DPP6: variants seen among roughly 807,000 people sequenced by gnomAD.
DPP6 encodes A-type potassium channel modulatory protein DPP6.
A neutral mutation model predicts 122.6 loss-of-function variants in DPP6; 69 were observed. The observed-to-expected ratio is 0.56, with a 90% CI of 0.46 to 0.69. The LOEUF (loss-of-function observed/expected upper bound fraction) is 0.69, where lower values mean the gene tolerates loss of function less well. Among genes scored for constraint, DPP6 ranks in the 30% least tolerant of loss-of-function variants. The pLI is 0.00. For synonymous variants in DPP6, 418 were observed against 433.1 expected (o/e 0.97, Z 0.43); for missense variants, 928 against 1,116.9 (o/e 0.83, Z 2.41).
the DPP6 span, among the ~76,000 whole-genome samples, chr7:153,787,040 T>C: frequency 0.47 from 66,021 of 141,542 alleles, 17,598 homozygotes; most frequent in African/African-American, 0.61. Context: ...CAAGCTCCGC[T>C]TCCCGGGTTC....
At chr7:154,885,853 AGG>A (rs1806110145) in intron 22 of DPP6, 109 bp downstream of exon 22, 1 of 1,426,828 alleles carries the variant, frequency 7.0e-7, no homozygotes, top group African/African-American at 1.4e-5. Context: ...CGCTAACCAC[AGG>A]TGCCTCCAGG....
chr7:154,068,028 C>T (rs569031546), intron 1 of DPP6, among the ~76,000 whole-genome samples: 3 of 151,486 alleles, frequency 2.0e-5, no homozygotes, highest in East Asian at 3.9e-4. Context: ...TCCCAAAGTA[C>T]TGGGATTACA....
At chr7:154,245,776 T>C (rs1046408677) in intron 1 of DPP6, among the ~76,000 whole-genome samples, 9 of 152,172 alleles carry the variant, frequency 5.9e-5, no homozygotes, top group Admixed American at 3.9e-4. Context: ...CATCTATGTA[T>C]ATAGTAGCTG....
chr7:154,868,008 AG>A lies in DPP6; in HGVS notation c.1729del (p.Glu577LysfsTer10). 6.2e-7 allele frequency: 1 copy of A among 1,602,298 alleles called. No individual in the cohort carries two copies. The highest frequency in any genetic ancestry group is 8.5e-7 in the Non-Finnish European group (1 of 1,174,512). On this transcript the variant is annotated frameshift_variant, in exon 18 of 26. Coordinates refer to ENST00000377770, the MANE Select transcript of DPP6 (RefSeq NM_130797.4). LOFTEE classifies it high-confidence loss of function. ...TTDKKKMFDL[E>X]TNEHVKKAIN... ...CCTCTCTTTCAGAAATGTTTGACCT[AG>A]AAACAAATGAACATGTCAAGAAGGC... is the stretch of plus-strand genomic sequence containing the variant.
chr7:153,763,998 A>G, the DPP6 span, among the ~76,000 whole-genome samples: 1 of 152,210 alleles, frequency 6.6e-6, no homozygotes, highest in Admixed American at 6.5e-5. Context: ...AGGAACAATC[A>G]TAAAACAGCC....
At chr7:154,318,979 G>A (rs988369960) in intron 1 of DPP6, among the ~76,000 whole-genome samples, 2 of 152,206 alleles carry the variant, frequency 1.3e-5, no homozygotes, top group African/African-American at 4.8e-5. Context: ...CCTCCTCTGC[G>A]GTTCTGGTTT....
At chr7:154,330,240 A>G (rs1808802736) in intron 1 of DPP6, among the ~76,000 whole-genome samples, 1 of 152,222 alleles carries the variant, frequency 6.6e-6, no homozygotes, top group Non-Finnish European at 1.5e-5. Flanking sequence ...GCAATTCTTA[A>G]CTGTAGTTAG....
At chr7:154,630,548 C>T (rs1002931876) in intron 5 of DPP6, among the ~76,000 whole-genome samples, 1 of 152,172 alleles carries the variant, frequency 6.6e-6, no homozygotes, top group African/African-American at 2.4e-5. Context: ...CTCTCTAATG[C>T]CCAGTGATGA....
At chr7:154,453,770 C>T (rs190519986) in intron 2 of DPP6, among the ~76,000 whole-genome samples, 139 of 152,080 alleles carry the variant, frequency 9.1e-4, no homozygotes, top group Admixed American at 3.8e-3. Flanking sequence ...ATATTCTTTG[C>T]ATTTATGGCA....
intron 1 of DPP6, among the ~76,000 whole-genome samples, chr7:154,003,090 G>A (rs1797757189): frequency 6.6e-6 from 1 of 152,150 alleles, no homozygotes; most frequent in Non-Finnish European, 1.5e-5. Context: ...AGGAGAAAAG[G>A]GCCTTGCTTA....
At chr7:153,814,037 T>C in the DPP6 span, among the ~76,000 whole-genome samples, 2 of 152,128 alleles carry the variant, frequency 1.3e-5, no homozygotes, top group Non-Finnish European at 2.9e-5. Context: ...TTAGATCCCA[T>C]TTGTCAATTT....
the DPP6 span, among the ~76,000 whole-genome samples, chr7:153,798,996 C>A: frequency 6.6e-6 from 1 of 152,160 alleles, no homozygotes; most frequent in Non-Finnish European, 1.5e-5. Flanking sequence ...GTAATGTGAG[C>A]AATGGGGAGT....
intron 1 of DPP6, among the ~76,000 whole-genome samples, chr7:154,292,303 C>T (rs1805260264): frequency 6.6e-6 from 1 of 152,152 alleles, no homozygotes; most frequent in Admixed American, 6.5e-5. Context: ...TCTCTGTCAT[C>T]CCACGCAGGG....
intron 1 of DPP6, among the ~76,000 whole-genome samples, chr7:153,965,697 A>T (rs1795670700): frequency 6.6e-6 from 1 of 151,930 alleles, no homozygotes; most frequent in African/African-American, 2.4e-5. Flanking sequence ...TATTTTTAGT[A>T]AAAACGGGGT....
chr7:154,011,838 C>G (rs1798168507), intron 1 of DPP6, among the ~76,000 whole-genome samples: 1 of 152,180 alleles, frequency 6.6e-6, no homozygotes, highest in Admixed American at 6.5e-5. Flanking sequence ...CTTCATTTCA[C>G]AGACGAGAAA....
chr7:154,814,688 C>A (rs1322555964), intron 16 of DPP6, among the ~76,000 whole-genome samples: 1 of 152,194 alleles, frequency 6.6e-6, no homozygotes, highest in East Asian at 1.9e-4. Context: ...GGCCGGAAAT[C>A]CAAAATCAAG....
chr7:154,654,566 A>G (rs867118525), intron 6 of DPP6, among the ~76,000 whole-genome samples: 1 of 151,698 alleles, frequency 6.6e-6, no homozygotes, highest in African/African-American at 2.4e-5. Flanking sequence ...TTACAGGCGC[A>G]TGCCACCACA....
At chr7:153,988,953 A>G (rs1244204929) in intron 1 of DPP6, among the ~76,000 whole-genome samples, 1 of 150,370 alleles carries the variant, frequency 6.7e-6, no homozygotes, top group East Asian at 2.0e-4. Flanking sequence ...TTCGCAGGTC[A>G]TTACACGGGG....
rs577879928 is a variant in DPP6 at position 153,997,352 on chromosome 7, G to A, written c.51+109618G>A. Reference sequence around the variant, plus strand: ...AAGGTCAAGCTGGGAACCTTGTTACGCTATTTTATTTTTAAATATTCACTT... The same window carrying A: ...AAGGTCAAGCTGGGAACCTTGTTACACTATTTTATTTTTAAATATTCACTT... On this transcript the variant is annotated intron_variant, in intron 1 of 25. Coordinates refer to the DPP6 transcript ENST00000404039. Among the ~76,000 whole-genome samples, 398 of 152,238 alleles carry A rather than the reference G, an allele frequency of 2.6e-3. 1 individual carries two copies. Among genetic ancestry groups the A allele is most frequent in the Non-Finnish European group, 3.9e-3 (268 of 68,026 alleles).
Sources: allele counts gnomAD v4.1 joint callset (sites outside exome capture counted in the v4.1 genomes callset), GRCh38; gene constraint gnomAD v4.1.1; transcripts MANE v1.5; gene names NCBI Gene and HGNC (gene_info 2026-07-23, HGNC 2026-07-21).